The following JAM3 variants were observed in gnomAD, a reference collection of about 807,000 sequenced individuals.
JAM3 encodes the protein junctional adhesion molecule C.
A neutral mutation model predicts 39.4 loss-of-function variants in JAM3; 31 were observed. The ratio of observed to expected loss-of-function variants is 0.79; its 90% CI spans 0.59 to 1.06. The LOEUF is 1.06. JAM3 is among the 50% of genes least tolerant of loss of function. The pLI is 0.00. For missense variants in JAM3, 455 were observed against 391.4 expected, an observed-to-expected ratio of 1.16 and a Z score of -1.37; for synonymous variants, 182 against 148.7, an observed-to-expected ratio of 1.22 and a Z score of -1.63.
chr11:134,103,141 C>G (rs1280776417), intron 1 of JAM3, among the ~76,000 whole-genome samples: 1 of 152,108 alleles, frequency 6.6e-6, no homozygotes, highest in Non-Finnish European at 1.5e-5. Flanking sequence ...AAAGTGAAGC[C>G]CATCAGACTA....
chr11:134,090,446 C>G (rs1941826844), intron 1 of JAM3, among the ~76,000 whole-genome samples: 1 of 151,994 alleles, frequency 6.6e-6, no homozygotes, highest in Admixed American at 6.6e-5. Context: ...TATGGAAATT[C>G]ACATTTCGCT....
chr11:134,129,503 T>C (rs754330581), intron 1 of JAM3, among the ~76,000 whole-genome samples: 14 of 152,160 alleles, frequency 9.2e-5, no homozygotes, highest in Non-Finnish European at 1.8e-4. Flanking sequence ...CTGTCTCAAA[T>C]TTAAAGCCTT....
At chr11:134,087,603 G>A (rs372165051) in intron 1 of JAM3, among the ~76,000 whole-genome samples, 1 of 152,276 alleles carries the variant, frequency 6.6e-6, no homozygotes. Context: ...ACGTATACAG[G>A]TTGTTGGTGT....
intron 1 of JAM3, among the ~76,000 whole-genome samples, chr11:134,128,605 C>T (rs1942700336): frequency 6.6e-6 from 1 of 152,074 alleles, no homozygotes; most frequent in African/African-American, 2.4e-5. Context: ...AAGTGTGTGG[C>T]AGTTCCCCCC....
chr11:134,148,446 A>G, intron 6 of JAM3, 101 bp from the exon 7 acceptor site: 3 of 1,508,526 alleles, frequency 2.0e-6, no homozygotes, highest in Admixed American at 3.3e-5. Flanking sequence ...GGCAGGGGGC[A>G]AGTGGGTTTG....
At chr11:134,129,727 C>T (rs542892142) in intron 1 of JAM3, among the ~76,000 whole-genome samples, 41 of 152,260 alleles carry the variant, frequency 2.7e-4, no homozygotes, top group Middle Eastern at 3.4e-3. Context: ...AGAGGCCAGG[C>T]GTGATGGCTT....
chr11:134,142,304 G>T (rs2120863751), intron 3 of JAM3, among the ~76,000 whole-genome samples: 1 of 152,316 alleles, frequency 6.6e-6, no homozygotes, highest in East Asian at 1.9e-4. Flanking sequence ...TGCACCAGAG[G>T]CACCCTGGTG....
intron 1 of JAM3, among the ~76,000 whole-genome samples, chr11:134,125,893 G>A (rs1321054122): frequency 1.3e-5 from 2 of 152,144 alleles, no homozygotes; most frequent in Non-Finnish European, 2.9e-5. Context: ...AAAGCACCCC[G>A]ATGGGTTCAT....
intron 3 of JAM3, among the ~76,000 whole-genome samples, chr11:134,143,274 C>T (rs550825696): frequency 2.0e-4 from 31 of 152,320 alleles, no homozygotes; most frequent in Admixed American, 7.2e-4. Flanking sequence ...AAGTTCTAGC[C>T]ATCTTAGTGG....
intron 1 of JAM3, among the ~76,000 whole-genome samples, chr11:134,131,521 CAACA>C (rs1056000616): frequency 6.6e-6 from 1 of 151,854 alleles, no homozygotes; most frequent in Non-Finnish European, 1.5e-5. Flanking sequence ...TCAACAACAA[CAACA>C]AAAAATAACA....
chr11:134,142,138 G>A (rs144683673), intron 3 of JAM3, among the ~76,000 whole-genome samples: 1 of 152,272 alleles, frequency 6.6e-6, no homozygotes, highest in African/African-American at 2.4e-5. Flanking sequence ...AACCAGGTGA[G>A]AAACTCTTTA....
chr11:134,112,667 C>A (rs1371585387), intron 1 of JAM3, among the ~76,000 whole-genome samples: 1 of 152,028 alleles, frequency 6.6e-6, no homozygotes, highest in Non-Finnish European at 1.5e-5. Flanking sequence ...CTGCAATTAC[C>A]CCAATTATAG....
chr11:134,144,696 C>T, intron 4 of JAM3, 96 bp from the exon 5 acceptor site: 8 of 1,158,992 alleles, frequency 6.9e-6, no homozygotes, highest in Non-Finnish European at 1.0e-5. Context: ...AACCCCTCGA[C>T]TGGCTGTCTT....
At chr11:134,119,405 C>G (rs1417716672) in intron 1 of JAM3, among the ~76,000 whole-genome samples, 2 of 152,200 alleles carry the variant, frequency 1.3e-5, no homozygotes, top group Non-Finnish European at 2.9e-5. Context: ...CATATAATGT[C>G]TATACAGTGA....
intron 1 of JAM3, among the ~76,000 whole-genome samples, chr11:134,137,448 ACTT>A (rs1942887928): frequency 6.6e-6 from 1 of 152,180 alleles, no homozygotes; most frequent in South Asian, 2.1e-4. Context: ...TTGGCTTCAT[ACTT>A]CTTAAGAGAA....
At position 134,149,224 on chromosome 11, in the gene JAM3, T is replaced by TA; in HGVS notation, c.*44dup. On this transcript the variant is annotated 3_prime_UTR_variant, in exon 9 of 9. Coordinates refer to ENST00000299106, the MANE Select transcript of JAM3 (RefSeq NM_032801.5). The stretch of plus-strand genomic sequence containing the variant: ...AGAGCGCACAGAGCGCACGTGCACA[T>TA]ACCTCTGCTAGAAACTCCTGTCAAG... 1 of 1,612,512 alleles carries TA rather than the reference T, an allele frequency of 6.2e-7. No individual in the cohort carries two copies. The highest frequency in any genetic ancestry group is 2.2e-5 in the East Asian group (1 of 44,876).
chr11:134,069,727 AGG>A (rs996368296), intron 1 of JAM3, among the ~76,000 whole-genome samples: 1 of 152,154 alleles, frequency 6.6e-6, no homozygotes, highest in Non-Finnish European at 1.5e-5. Context: ...GCTCTCCAGA[AGG>A]GACGGTGAGC....
chr11:134,119,926 C>G (rs1037461758), intron 1 of JAM3, among the ~76,000 whole-genome samples: 2 of 152,160 alleles, frequency 1.3e-5, no homozygotes, highest in African/African-American at 2.4e-5. Flanking sequence ...ATAACCAGGA[C>G]TTCAGCTGGC....
chr11:134,146,038 G>C lies in JAM3; in HGVS notation c.705G>C (p.Met235Ile), dbSNP rs1449583278. ...CAGCCAGGTGTGAGGAGCAGGAGAT[G>C]GAAGTCTGTGAGTTTCTTTTTTGAA... is the stretch of plus-strand genomic sequence containing the variant. ...AGSARCEEQE[M>I]EVYDLNIGGI... is the part of the protein sequence containing the mutation. Residue 235 changes from methionine to isoleucine, a missense_variant, in exon 6 of 9, where the codon ATG becomes ATC. Coordinates refer to ENST00000299106, the MANE Select transcript of JAM3 (RefSeq NM_032801.5). The C allele has an allele frequency of 6.2e-7, 1 of 1,610,982 alleles. No individual in the cohort carries two copies. The highest frequency in any genetic ancestry group is 1.7e-5 in the Admixed American group (1 of 60,012).
Sources: allele counts gnomAD v4.1 joint callset (sites outside exome capture counted in the v4.1 genomes callset), GRCh38; gene constraint gnomAD v4.1.1; transcripts MANE v1.5; gene names NCBI Gene and HGNC (gene_info 2026-07-23, HGNC 2026-07-21).